LTN1: variants seen among roughly 807,000 people sequenced by gnomAD.
The protein encoded by LTN1 is listerin E3 ubiquitin protein ligase 1, also known as E3 ubiquitin-protein ligase listerin.
Under a neutral mutation model 201.2 loss-of-function variants are expected in LTN1, and 88 were observed. The ratio of observed to expected loss-of-function variants is 0.44; its 90% confidence interval spans 0.37 to 0.52. LTN1 has a LOEUF of 0.52. Ranked by LOEUF, LTN1 falls within the 20% of genes least tolerant of loss-of-function variation. LTN1 has a pLI of 0.00. For synonymous variants in LTN1, 645 were observed against 713.5 expected (o/e 0.90, Z 1.53); for missense variants, 1,752 against 2,038.7 (o/e 0.86, Z 2.71).
intron 14 of LTN1, 130 bp from the exon 15 acceptor site, chr21:28,957,606 T>C (rs1235315323): frequency 2.0e-6 from 1 of 512,362 alleles, no homozygotes; most frequent in Non-Finnish European, 3.1e-6. Flanking sequence ...AAGAGGTAAG[T>C]GACATTCCCC....
In LTN1 at chr21:28,967,147, G is replaced by A; in HGVS notation, c.1344C>T (p.Asp448=). ...ATAGCTGCCCATGTTGCAATCCTGG[G>A]TCTTTGAGAACTGCATCAATAAAAG... ...LIPFIDAVLK[D]PGLQHGQLFN... The change falls in exon 10 of 30, where the codon GAC becomes GAT. Residue 448 remains aspartate (D), a synonymous_variant. Coordinates refer to ENST00000361371, the MANE Select transcript of LTN1 (RefSeq NM_015565.3). The A allele has an allele frequency of 6.2e-7, 1 of 1,613,116 alleles. No individual in the cohort carries two copies. Among genetic ancestry groups the A allele is most frequent in the Non-Finnish European group, 8.5e-7 (1 of 1,179,722 alleles).
intron 9 of LTN1, 46 bp from the exon 10 acceptor site, chr21:28,967,225 A>G: frequency 7.5e-7 from 1 of 1,337,088 alleles, no homozygotes; most frequent in Non-Finnish European, 1.0e-6. Context: ...TTGGTCTTCA[A>G]CCCCCATCTC....
At chr21:28,972,724 C>G (rs929044257) in intron 6 of LTN1, among the ~76,000 whole-genome samples, 3 of 152,048 alleles carry the variant, frequency 2.0e-5, no homozygotes, top group Admixed American at 2.0e-4. Context: ...AATCCCAAAA[C>G]AAGAGAAGAA....
chr21:28,930,850 C>T (rs531234048), intron 29 of LTN1, among the ~76,000 whole-genome samples: 46 of 152,310 alleles, frequency 3.0e-4, no homozygotes, highest in Middle Eastern at 3.4e-3. Flanking sequence ...AACTCCTGTA[C>T]TCTCCTTCAT....
intron 18 of LTN1, among the ~76,000 whole-genome samples, chr21:28,947,920 C>T (rs1439183850): frequency 6.7e-6 from 1 of 149,440 alleles, no homozygotes; most frequent in Admixed American, 6.6e-5. Flanking sequence ...TTGCGGGGTG[C>T]GGTGGCTAAT....
chr21:28,970,790 T>G (rs1461459496), intron 7 of LTN1, 48 bp from the exon 8 acceptor site: 1 of 1,399,804 alleles, frequency 7.1e-7, no homozygotes, highest in Non-Finnish European at 9.8e-7. Context: ...ATAAACATAC[T>G]TTTCTCAATT....
In LTN1 at chr21:28,981,134, T is replaced by C. The variant is rs976634542; in HGVS notation, c.795A>G (p.Lys265=). ...ATTAATATACCTGAGGTACACTGTG[T>C]TTTCCATACTTCCAAAACTTATTCT... The part of the protein sequence containing the change: ...LSQNKFWKYG[K]HSVPQIRSAY... Residue 265 remains lysine (K), a synonymous_variant, in exon 6 of 30, where the codon AAA becomes AAG. Transcript: ENST00000361371. The C allele has an allele frequency of 5.8e-6, 9 of 1,562,296 alleles. No individual in the cohort carries two copies. In the African/African-American group the frequency reaches 1.2e-4, roughly 22 times the overall value.
At chr21:28,958,314 A>C in intron 14 of LTN1, 72 bp downstream of exon 14, 1 of 1,424,446 alleles carries the variant, frequency 7.0e-7, no homozygotes, top group East Asian at 2.4e-5. Context: ...ACTCACACTG[A>C]TCATGGAATC....
In LTN1 at chr21:28,985,455, G is replaced by A. The variant is rs146732842; in HGVS notation, c.346-533C>T. Among the ~76,000 whole-genome samples, 574 of 144,896 alleles carry A rather than the reference G, an allele frequency of 4.0e-3. 10 individuals are homozygous for A. The East Asian group carries it at 0.063, about 16-fold the overall frequency. The stretch of plus-strand genomic sequence containing the variant: ...AGCCTGGGTGACAGAATGAGACTCC[G>A]TCTCAATTAAAAAAAAAAAAAAAAA... On this transcript the variant is annotated intron_variant, in intron 3 of 29. Transcript: ENST00000361371.
At position 28,929,951 on chromosome 21, in the gene LTN1, C is replaced by T. The variant is rs1472735183; in HGVS notation, c.*497G>A. 1 of 152,184 alleles carries T rather than the reference C, an allele frequency of 6.6e-6. No homozygotes were observed. The highest frequency in any genetic ancestry group is 1.5e-5 in the Non-Finnish European group (1 of 68,072). The allele number at this position is 152,184 out of a possible 1,614,324, so 9.4% of individuals were successfully genotyped here. A position where few individuals can be genotyped will look rare whatever the true frequency, so the allele number is the denominator to read the frequency against. ...ATTAATAGCTTAGTGTCATTTTTAT[C>T]ATTAAAATAATCTACAAATATCAGA... On this transcript the variant is annotated 3_prime_UTR_variant, in exon 30 of 30. Transcript: ENST00000361371.
rs761499413 is a variant in LTN1, at chr21:28,953,256, A to G, written c.3200T>C (p.Leu1067Pro). The G allele has an allele frequency of 3.1e-6, 5 of 1,592,480 alleles. No homozygotes were observed. In the African/African-American group the frequency reaches 6.8e-5, roughly 22 times the overall value. The change falls in exon 17 of 30, where the codon CTT (leucine) becomes CCT (proline). Residue 1067 changes from leucine to proline, a missense_variant. This residue lies in a region of LTN1 where 1,211 missense variants were observed against 1,312.8 expected (regional missense o/e 0.92). Transcript: ENST00000361371. Reference protein sequence around the residue: ...MNITYDNLRVLGNTSGLLQLL... With the variant: ...MNITYDNLRVPGNTSGLLQLL... The stretch of plus-strand genomic sequence containing the variant: ...CTGCAAAAGGCCCGACGTATTACCA[A>G]GTACACGTAAGTTATCATACGTAAT...
chr21:28,969,494 T>G lies in LTN1; in HGVS notation c.1283A>C (p.Glu428Ala), dbSNP rs1234624258. ...FIMQQNLGEE[E>A]IEQMLVNDQL... Reference sequence around the variant, plus strand: ...ATCATTGACGAGCATCTGTTCAATCTCTTCCTCACCTAAGTTTTGCTGCAT... The same window carrying G: ...ATCATTGACGAGCATCTGTTCAATCGCTTCCTCACCTAAGTTTTGCTGCAT... The change falls in exon 9 of 30, where the codon GAG becomes GCG. Residue 428 changes from glutamate (E) to alanine (A), a missense_variant. Glu to Ala is a moderately radical substitution (Grantham distance 107). Around this residue, in one of 3 missense-constraint regions of LTN1, gnomAD observed 1,211 missense variants for 1,312.8 expected, o/e 0.92. Coordinates refer to ENST00000361371, the MANE Select transcript of LTN1 (RefSeq NM_015565.3). 4 of 1,612,434 alleles carry G rather than the reference T, an allele frequency of 2.5e-6. No individual in the cohort carries two copies. The highest frequency in any genetic ancestry group is 3.4e-6 in the Non-Finnish European group (4 of 1,179,588).
chr21:28,970,962 T>C (rs527291265), intron 7 of LTN1, among the ~76,000 whole-genome samples: 11 of 152,310 alleles, frequency 7.2e-5, no homozygotes, highest in African/African-American at 2.6e-4. Context: ...TGATTAGAAA[T>C]AATTATTTAA....
rs1189091943 is a variant in LTN1, at chr21:28,935,093, TCAAGA to T, written c.4875+11_4875+15del. 3.2e-6 allele frequency: 5 copies of T among 1,540,984 alleles called. No individual in the cohort carries two copies. In the African/African-American group the frequency reaches 5.5e-5, roughly 17 times the overall value. The stretch of plus-strand genomic sequence containing the variant: ...ATTAAAACAACTTTTCTAGAGAAAG[TCAAGA>T]CAATACTAACCGTCATGCCATTAAA... On this transcript the variant is annotated intron_variant, in intron 27 of 29. Coordinates refer to ENST00000361371, the MANE Select transcript of LTN1 (RefSeq NM_015565.3).
chr21:28,968,748 C>T (rs542672477), intron 9 of LTN1, among the ~76,000 whole-genome samples: 19 of 151,750 alleles, frequency 1.3e-4, no homozygotes, highest in African/African-American at 4.6e-4. Context: ...GCTGGGATTA[C>T]AGGCATGCAC....
intron 26 of LTN1, 90 bp downstream of exon 26, chr21:28,936,436 G>C: frequency 9.5e-7 from 1 of 1,056,970 alleles, no homozygotes; most frequent in Admixed American, 2.4e-5. Flanking sequence ...CCACCTTTGG[G>C]GTTATTCTCC....
rs768885071 is a variant in LTN1 at position 28,984,769 on chromosome 21, T to C, written c.499A>G (p.Lys167Glu). Residue 167 changes from lysine (K) to glutamate (E), a missense_variant, in exon 4 of 30, where the codon AAA (lysine) becomes GAA (glutamate). Lys to Glu is a moderately conservative substitution (Grantham distance 56, BLOSUM62 1). Around this residue, in one of 3 missense-constraint regions of LTN1, gnomAD observed 280 missense variants for 375.7 expected, o/e 0.75. Coordinates refer to ENST00000361371, the MANE Select transcript of LTN1 (RefSeq NM_015565.3). ...GGAAAAGCCGCTTCAAATGCATCTT[T>C]TGCTGCAAACGCAGCTGGTGTGTAA... The part of the protein sequence containing the change: ...DTYTPAAFAA[K>E]DAFEAAFPPS... 1.2e-6 allele frequency: 2 copies of C among 1,614,234 alleles called. No individual in the cohort carries two copies. The highest frequency in any genetic ancestry group is 1.1e-5 in the South Asian group (1 of 91,088).
intron 6 of LTN1, among the ~76,000 whole-genome samples, chr21:28,976,016 T>G: frequency 6.6e-6 from 1 of 151,856 alleles, no homozygotes; most frequent in East Asian, 1.9e-4. Context: ...TATGACAGCA[T>G]AGAAAAGACA....
chr21:28,991,460 G>A (rs192957308), intron 1 of LTN1, among the ~76,000 whole-genome samples: 1 of 152,256 alleles, frequency 6.6e-6, no homozygotes, highest in Non-Finnish European at 1.5e-5. Flanking sequence ...GAAGATACAT[G>A]CTGATGTATT....
Sources: allele counts gnomAD v4.1 joint callset (sites outside exome capture counted in the v4.1 genomes callset), GRCh38; gene constraint gnomAD v4.1.1; regional missense constraint gnomAD v4.1.1; transcripts MANE v1.5; gene names NCBI Gene and HGNC (gene_info 2026-07-23, HGNC 2026-07-21).